Variants in PRUNE2 observed in about 807,000 individuals in gnomAD.
The protein encoded by PRUNE2 is prune homolog 2 with BCH domain, also known as protein prune homolog 2.
A neutral mutation model predicts 252.0 loss-of-function variants in PRUNE2; 164 were observed. That is an observed-to-expected ratio of 0.65 (90% CI 0.57 to 0.74). The LOEUF (loss-of-function observed/expected upper bound fraction) is 0.74. PRUNE2 is among the 30% of genes least tolerant of loss of function. The probability of loss-of-function intolerance (pLI) is 0.00; values close to 1 mark genes in which losing one functional copy is unlikely to be tolerated. For synonymous variants in PRUNE2, 1,292 were observed against 1,350.2 expected, an observed-to-expected ratio of 0.96 and a Z score of 0.94; for missense variants, 3,495 against 3,711.0, an observed-to-expected ratio of 0.94 and a Z score of 1.51.
chr9:76,702,474 G>A (rs770072438), intron 9 of PRUNE2, among the ~76,000 whole-genome samples: 12 of 152,184 alleles, frequency 7.9e-5, no homozygotes, highest in Non-Finnish European at 1.5e-4. Context: ...AAACACAAAT[G>A]AAGAGAAATG....
At chr9:76,796,747 A>G (rs2056125072) in intron 6 of PRUNE2, among the ~76,000 whole-genome samples, 1 of 152,206 alleles carries the variant, frequency 6.6e-6, no homozygotes, top group African/African-American at 2.4e-5. Context: ...CACTGGAATT[A>G]GCAGACCGGG....
chr9:76,717,682 C>T (rs956701646), intron 6 of PRUNE2, among the ~76,000 whole-genome samples: 2 of 152,018 alleles, frequency 1.3e-5, no homozygotes, highest in Non-Finnish European at 2.9e-5. Context: ...TACCACCCCC[C>T]CCACCAGCCA....
At position 76,868,625 on chromosome 9, in the gene PRUNE2, G is replaced by A. The variant is rs541693507; in HGVS notation, c.37-14417C>T. On this transcript the variant is annotated intron_variant, in intron 1 of 18. Transcript: ENST00000376718. ...CTAAGACAAAGGACTTCTGCCCAGG[G>A]CAACAGCCAACTCACCTAGCGTCAA... is the stretch of plus-strand genomic sequence containing the variant. Among the ~76,000 whole-genome samples the A allele has an allele frequency of 3.3e-5, 5 of 152,144 alleles. No homozygotes were observed. The South Asian group carries it at 1.0e-3, about 32-fold the overall frequency.
intron 9 of PRUNE2, among the ~76,000 whole-genome samples, chr9:76,681,465 A>G (rs2043427186): frequency 6.6e-6 from 1 of 151,938 alleles, no homozygotes; most frequent in Non-Finnish European, 1.5e-5. Context: ...AAAAAAAAAA[A>G]AAGCAGGTGC....
At chr9:76,677,971 C>A (rs1193683284) in intron 9 of PRUNE2, among the ~76,000 whole-genome samples, 1 of 152,220 alleles carries the variant, frequency 6.6e-6, no homozygotes, top group Non-Finnish European at 1.5e-5. Context: ...CTGGTCATAT[C>A]TTTATGCCAG....
chr9:76,774,311 A>AT (rs1157312315), intron 6 of PRUNE2, among the ~76,000 whole-genome samples: 1 of 150,862 alleles, frequency 6.6e-6, no homozygotes, highest in East Asian at 2.0e-4. Context: ...AATTTTTTGT[A>AT]TTTTTTTGTA....
At chr9:76,867,405 A>G (rs142507205) in intron 1 of PRUNE2, among the ~76,000 whole-genome samples, 68 of 152,346 alleles carry the variant, frequency 4.5e-4, no homozygotes, top group African/African-American at 1.4e-3. Flanking sequence ...CTCCTGTGAT[A>G]TAACTGAACA....
chr9:76,808,851 C>T (rs1223392751), intron 6 of PRUNE2: 1 of 152,320 alleles, frequency 6.6e-6, no homozygotes, highest in Non-Finnish European at 1.5e-5. Flanking sequence ...TCATTATTCT[C>T]CCATTTGCAT....
chr9:76,674,398 C>G (rs1274074447), intron 9 of PRUNE2, among the ~76,000 whole-genome samples: 2 of 152,134 alleles, frequency 1.3e-5, no homozygotes, highest in African/African-American at 4.8e-5. Flanking sequence ...GAGCACTGCT[C>G]AAGGAAATAA....
At chr9:76,621,484 C>T (rs1832303952) in intron 17 of PRUNE2, among the ~76,000 whole-genome samples, 1 of 152,080 alleles carries the variant, frequency 6.6e-6, no homozygotes, top group East Asian at 1.9e-4. Context: ...ATGTTACCAT[C>T]AAAAAGGTAG....
intron 6 of PRUNE2, among the ~76,000 whole-genome samples, chr9:76,768,636 G>C (rs569022267): frequency 2.7e-5 from 4 of 148,226 alleles, no homozygotes; most frequent in Non-Finnish European, 5.9e-5. Flanking sequence ...TATCCCTGCT[G>C]ACTAGATCAT....
intron 4 of PRUNE2, 31 bp from the exon 5 acceptor site, chr9:76,826,763 G>C (rs2058367967): frequency 1.3e-6 from 2 of 1,541,812 alleles, no homozygotes; most frequent in Non-Finnish European, 8.8e-7. Context: ...TGCTCTTAAA[G>C]CTTTCCAGCC....
chr9:76,630,521 T>C (rs1660041814), intron 15 of PRUNE2, among the ~76,000 whole-genome samples: 1 of 152,164 alleles, frequency 6.6e-6, no homozygotes, highest in Admixed American at 6.5e-5. Context: ...TTCTGAAGAA[T>C]GCATTTTCTT....
intron 1 of PRUNE2, among the ~76,000 whole-genome samples, chr9:76,855,151 T>G (rs1362675533): frequency 6.6e-6 from 1 of 150,392 alleles, no homozygotes; most frequent in Admixed American, 6.6e-5. Flanking sequence ...TCTGGTTAAC[T>G]AAATAGTTAT....
intron 4 of PRUNE2, among the ~76,000 whole-genome samples, chr9:76,833,488 G>A (rs1589461835): frequency 6.6e-6 from 1 of 152,242 alleles, no homozygotes; most frequent in Non-Finnish European, 1.5e-5. Flanking sequence ...AATACAGGCC[G>A]GGCGTGGTGG....
Position 76,612,930 on chromosome 9 carries a change from C to T in PRUNE2, c.*1640G>A, listed in dbSNP as rs1364350506. 2 of 152,156 alleles carry T rather than the reference C, an allele frequency of 1.3e-5. No individual in the cohort carries two copies. The highest frequency in any genetic ancestry group is 2.9e-5 in the Non-Finnish European group (2 of 68,044). 9.4% of individuals were successfully genotyped at this position (152,156 alleles called of 1,614,324 possible). On this transcript the variant is annotated 3_prime_UTR_variant, in exon 19 of 19. Coordinates refer to ENST00000376718, the MANE Select transcript of PRUNE2 (RefSeq NM_015225.3). ...ACCATGAGACTAGGGTGGAACCGCT[C>T]TCACCCCTTCATTTTTATTTCTGCC...
rs620985 is a variant in PRUNE2 at position 76,704,005 on chromosome 9, A to G, written c.7608T>C (p.Cys2536=). 908,941 of 1,612,474 alleles carry G rather than the reference A, an allele frequency of 0.56. 262,634 individuals carry two copies. The highest frequency in any genetic ancestry group is 0.71 in the Middle Eastern group (4,284 of 6,056). ...CATGACGATCTTCATTCTTCTCTGT[A>G]CATCTTTCTTCCTTGTATTCTGATT... ...QIKSEYKEER[C]TEKNEDRHAL... The change falls in exon 9 of 19, where the codon TGT becomes TGC. Residue 2536 remains cysteine (C), a synonymous_variant. Transcript: ENST00000376718.
At chr9:76,680,396 G>A (rs150998476) in intron 9 of PRUNE2, among the ~76,000 whole-genome samples, 18 of 152,266 alleles carry the variant, frequency 1.2e-4, no homozygotes, top group African/African-American at 3.6e-4. Context: ...AATAACAAGT[G>A]TTGGTGAGGA....
intron 6 of PRUNE2, among the ~76,000 whole-genome samples, chr9:76,729,044 G>T (rs1263083812): frequency 6.6e-6 from 1 of 152,158 alleles, no homozygotes; most frequent in Non-Finnish European, 1.5e-5. Context: ...ATGTATGTTA[G>T]AAATAGTCCT....
Sources: gnomAD v4.1 joint callset for allele counts (sites outside exome capture counted in the v4.1 genomes callset) on GRCh38, gnomAD v4.1.1 for gene constraint, MANE v1.5 for transcripts, NCBI Gene and HGNC (gene_info 2026-07-23, HGNC 2026-07-21) for gene names.